The following SH3PXD2A variants were observed in gnomAD, a reference collection of about 807,000 sequenced individuals.
The protein encoded by SH3PXD2A is SH3 and PX domains 2A, also known as SH3 and PX domain-containing protein 2A.
Under a neutral mutation model 115.2 loss-of-function variants are expected in SH3PXD2A, and 32 were observed. The observed-to-expected ratio is 0.28, with a 90% CI of 0.21 to 0.37. The LOEUF (loss-of-function observed/expected upper bound fraction) is 0.37. SH3PXD2A is among the 10% of genes least tolerant of loss of function. SH3PXD2A has a pLI of 1.00. For missense variants in SH3PXD2A, 1,328 were observed against 1,498.7 expected, an observed-to-expected ratio of 0.89 and a Z score of 1.88; for synonymous variants, 610 against 629.1, an observed-to-expected ratio of 0.97 and a Z score of 0.45.
intron 14 of SH3PXD2A, among the ~76,000 whole-genome samples, chr10:103,604,979 A>C (rs1449415684): frequency 6.6e-6 from 1 of 152,228 alleles, no homozygotes; most frequent in Non-Finnish European, 1.5e-5. Context: ...GTTCACTTGT[A>C]TTAGATGGAG....
chr10:103,767,363 A>C (rs2038764987), intron 2 of SH3PXD2A, among the ~76,000 whole-genome samples, 194 bp from the exon 3 acceptor site: 1 of 152,206 alleles, frequency 6.6e-6, no homozygotes, highest in African/African-American at 2.4e-5. Flanking sequence ...CTCTCTCTGC[A>C]TCAAAGAGGG....
intron 6 of SH3PXD2A, among the ~76,000 whole-genome samples, chr10:103,669,495 G>A (rs533876614): frequency 1.5e-3 from 232 of 152,352 alleles, no homozygotes; most frequent in Admixed American, 2.4e-3. Flanking sequence ...AATGGTTTGC[G>A]TATTTCTAGA....
At chr10:103,807,070 T>C (rs952979631) in intron 1 of SH3PXD2A, among the ~76,000 whole-genome samples, 1 of 152,212 alleles carries the variant, frequency 6.6e-6, no homozygotes, top group East Asian at 1.9e-4. Flanking sequence ...TTCTGTCCTC[T>C]ATTAGCCTTG....
At chr10:103,825,227 C>T (rs1336424349) in intron 1 of SH3PXD2A, among the ~76,000 whole-genome samples, 1 of 152,162 alleles carries the variant, frequency 6.6e-6, no homozygotes, top group African/African-American at 2.4e-5. Context: ...ACCCTGACAC[C>T]TCACACACCT....
chr10:103,697,563 G>A (rs2037839714), intron 5 of SH3PXD2A, among the ~76,000 whole-genome samples: 1 of 152,094 alleles, frequency 6.6e-6, no homozygotes, highest in African/African-American at 2.4e-5. Context: ...CAGGAAGTGT[G>A]TTCATCCCTG....
chr10:103,713,528 A>G (rs1018261835), intron 5 of SH3PXD2A, among the ~76,000 whole-genome samples: 3 of 152,170 alleles, frequency 2.0e-5, no homozygotes, highest in African/African-American at 7.2e-5. Flanking sequence ...CAATCCTTGA[A>G]ACACAATCTC....
At chr10:103,643,361 C>T (rs150550455) in intron 8 of SH3PXD2A, among the ~76,000 whole-genome samples, 1 of 152,334 alleles carries the variant, frequency 6.6e-6, no homozygotes, top group Non-Finnish European at 1.5e-5. Flanking sequence ...GTAACACCTA[C>T]ACTAGTGTCA....
At chr10:103,852,076 A>C (rs776737473) in intron 1 of SH3PXD2A, among the ~76,000 whole-genome samples, 1 of 152,244 alleles carries the variant, frequency 6.6e-6, no homozygotes, top group African/African-American at 2.4e-5. Flanking sequence ...GTCAGAGGCC[A>C]AAGCCAGTTT....
chr10:103,750,993 G>A (rs1365628735), intron 3 of SH3PXD2A, among the ~76,000 whole-genome samples: 1 of 152,176 alleles, frequency 6.6e-6, no homozygotes, highest in African/African-American at 2.4e-5. Flanking sequence ...ACCACAGCGG[G>A]AAACGGACTT....
intron 4 of SH3PXD2A, among the ~76,000 whole-genome samples, chr10:103,732,983 C>T (rs561774390): frequency 6.6e-6 from 1 of 152,278 alleles, no homozygotes; most frequent in East Asian, 1.9e-4. Flanking sequence ...ATTCCAAGGT[C>T]AGTGGGTTTC....
intron 1 of SH3PXD2A, among the ~76,000 whole-genome samples, chr10:103,801,780 C>T (rs560956011): frequency 3.3e-5 from 5 of 152,004 alleles, no homozygotes; most frequent in South Asian, 2.1e-4. Context: ...CTCGGTTTAC[C>T]GCAACCTCTG....
Position 103,743,585 on chromosome 10 carries a change from G to C in SH3PXD2A, c.230-7777C>G, listed in dbSNP as rs550947475. On this transcript the variant is annotated intron_variant, in intron 3 of 14. Transcript: ENST00000369774. Reference sequence around the variant, plus strand: ...GGGGTCTTGTTATGTTGCCTAGGCTGGTCCCGAACTCCTGGTCTTAAGTGA... The same window carrying C: ...GGGGTCTTGTTATGTTGCCTAGGCTCGTCCCGAACTCCTGGTCTTAAGTGA... Among the ~76,000 whole-genome samples the C allele has an allele frequency of 3.3e-5, 5 of 152,140 alleles. 1 individual carries two copies. The South Asian group carries it at 1.0e-3, about 32-fold the overall frequency.
At chr10:103,660,823 C>A (rs1438890385) in intron 8 of SH3PXD2A, among the ~76,000 whole-genome samples, 160 bp downstream of exon 8, 1 of 152,246 alleles carries the variant, frequency 6.6e-6, no homozygotes, top group Non-Finnish European at 1.5e-5. Flanking sequence ...GGCCTGCAGC[C>A]CAAACCAACA....
intron 3 of SH3PXD2A, among the ~76,000 whole-genome samples, chr10:103,745,441 G>T (rs1429563374): frequency 2.0e-4 from 30 of 152,322 alleles, no homozygotes; most frequent in Non-Finnish European, 2.9e-5. Flanking sequence ...TAACCTATTC[G>T]AATGCTAGTT....
intron 6 of SH3PXD2A, among the ~76,000 whole-genome samples, chr10:103,689,363 A>G (rs2037719249): frequency 6.6e-6 from 1 of 152,156 alleles, no homozygotes; most frequent in South Asian, 2.1e-4. Flanking sequence ...GTAAAAGACA[A>G]GAGTCAAGAA....
At chr10:103,838,147 C>A (rs2039563882) in intron 1 of SH3PXD2A, among the ~76,000 whole-genome samples, 1 of 152,202 alleles carries the variant, frequency 6.6e-6, no homozygotes, top group East Asian at 1.9e-4. Flanking sequence ...CTAGAACATG[C>A]CACAGGTTCC....
intron 4 of SH3PXD2A, among the ~76,000 whole-genome samples, chr10:103,728,892 TGTTTG>T (rs2038278509): frequency 2.2e-4 from 30 of 136,230 alleles, no homozygotes; most frequent in African/African-American, 6.0e-4. Flanking sequence ...TTTGTTTGTT[TGTTTG>T]TTTTTTTTTT....
chr10:103,812,617 T>C (rs1379772034), intron 1 of SH3PXD2A, among the ~76,000 whole-genome samples: 1 of 152,082 alleles, frequency 6.6e-6, no homozygotes, highest in Non-Finnish European at 1.5e-5. Flanking sequence ...CTGGAGAGAA[T>C]GGCAAAGGTT....
intron 3 of SH3PXD2A, among the ~76,000 whole-genome samples, chr10:103,760,393 A>C (rs2038686965): frequency 6.6e-6 from 1 of 151,788 alleles, no homozygotes; most frequent in Non-Finnish European, 1.5e-5. Context: ...ACATGATAAA[A>C]CCCCATCTCT....
Sources: allele counts gnomAD v4.1 joint callset (sites outside exome capture counted in the v4.1 genomes callset), GRCh38; gene constraint gnomAD v4.1.1; transcripts MANE v1.5; gene names NCBI Gene and HGNC (gene_info 2026-07-23, HGNC 2026-07-21).